The following B3GALT2 variants were observed in gnomAD, a reference collection of about 807,000 sequenced individuals.
The protein encoded by B3GALT2 is beta-1,3-galactosyltransferase 2.
B3GALT2 carries 13 observed loss-of-function variants against 33.5 expected under a neutral mutation model. That is an observed-to-expected ratio of 0.39 (90% confidence interval 0.25 to 0.62). The LOEUF (loss-of-function observed/expected upper bound fraction) is 0.62. Ranked by LOEUF, B3GALT2 falls within the 20% of genes least tolerant of loss-of-function variation. The pLI is 0.53. For synonymous variants in B3GALT2, 195 were observed against 172.7 expected, an observed-to-expected ratio of 1.13 and a Z score of -1.01; for missense variants, 418 against 509.1, an observed-to-expected ratio of 0.82 and a Z score of 1.72.
At chr1:193,183,979 C>T (rs1160856167) in intron 1 of B3GALT2, among the ~76,000 whole-genome samples, 1 of 151,534 alleles carries the variant, frequency 6.6e-6, no homozygotes, top group Non-Finnish European at 1.5e-5. Flanking sequence ...ATTTATGTTG[C>T]TTTTATAAGA....
In B3GALT2 at chr1:193,181,516, C is replaced by T. The variant is rs201277024; in HGVS notation, c.47G>A (p.Trp16Ter). Residue 16 changes from tryptophan to a stop codon, truncating the protein, a stop_gained, in exon 2 of 2, where the codon TGG becomes TAG. Transcript: ENST00000367434. LOFTEE classifies it high-confidence loss of function. ...GCGGAACAGAGACCTTTTGGCATTC[C>T]AGGTCATCTTTGCAAAGCAGCAGTG... ...RRHCCFAKMT[W>*]NAKRSLFRTH... The T allele has an allele frequency of 6.8e-6, 11 of 1,609,286 alleles. No homozygotes were observed.
intron 1 of B3GALT2, among the ~76,000 whole-genome samples, chr1:193,184,721 C>A (rs1045471977): frequency 2.6e-5 from 4 of 151,878 alleles, no homozygotes; most frequent in Non-Finnish European, 5.9e-5. Context: ...CCAAGAGGGA[C>A]TTGAAATTTT....
rs770667754 is a variant in B3GALT2, at chr1:193,181,254, G to C, written c.309C>G (p.Asp103Glu). Residue 103 changes from aspartate to glutamate, a missense_variant, in exon 2 of 2, where the codon GAC becomes GAG. Asp to Glu is a conservative substitution (Grantham distance 45). Coordinates refer to ENST00000367434, the MANE Select transcript of B3GALT2 (RefSeq NM_003783.3). ...GGCCTGTAACTCCTTGTGGTGACAG[G>C]TCTGTGTTATTAGAGTTAGTTGCTG... Reference protein sequence around the residue: ...PQTATNSNNTDLSPQGVTGLE... With the variant: ...PQTATNSNNTELSPQGVTGLE... 1 of 1,613,954 alleles carries C rather than the reference G, an allele frequency of 6.2e-7. No homozygotes were observed. Among genetic ancestry groups the C allele is most frequent in the African/African-American group, 1.3e-5 (1 of 74,900 alleles).
intron 1 of B3GALT2, 79 bp downstream of exon 1, chr1:193,185,940 C>CCAA (rs984966773): frequency 6.6e-6 from 1 of 152,096 alleles, no homozygotes; most frequent in Non-Finnish European, 1.5e-5. Context: ...TATGAACTTG[C>CCAA]TTATCAGGTA....
chr1:193,182,652 G>A (rs1452045561), intron 1 of B3GALT2, among the ~76,000 whole-genome samples: 1 of 152,158 alleles, frequency 6.6e-6, no homozygotes, highest in Non-Finnish European at 1.5e-5. Flanking sequence ...AAGGTTATGA[G>A]ATGGCAATAT....
chr1:193,181,275 T>A lies in B3GALT2; in HGVS notation c.288A>T (p.Ala96=). The part of the protein sequence containing the change: ...TVPQTLRPQT[A]TNSNNTDLSP... The stretch of plus-strand genomic sequence containing the variant: ...ACAGGTCTGTGTTATTAGAGTTAGT[T>A]GCTGTTTGAGGCCTCAGGGTTTGAG... The change falls in exon 2 of 2, where the codon GCA becomes GCT. Residue 96 remains alanine (A), a synonymous_variant. Transcript: ENST00000367434. 6.2e-7 allele frequency: 1 copy of A among 1,614,124 alleles called. No homozygotes were observed. Among genetic ancestry groups the A allele is most frequent in the Non-Finnish European group, 8.5e-7 (1 of 1,179,968 alleles).
At position 193,181,206 on chromosome 1, in the gene B3GALT2, A is replaced by G. The variant is rs369665370; in HGVS notation, c.357T>C (p.Asn119=). ...VTGLENTLSA[N]GSIYNEKGTG... is the part of the protein sequence containing the mutation. ...TACCTTTTTCATTGTAAATACTTCC[A>G]TTGGCACTAAGTGTATTCTCCAGGC... Residue 119 remains asparagine (N), a synonymous_variant, in exon 2 of 2, where the codon AAT becomes AAC. Transcript: ENST00000367434. The G allele has an allele frequency of 3.0e-5, 49 of 1,613,968 alleles. No individual in the cohort carries two copies. The Admixed American group carries it at 6.5e-4, about 21-fold the overall frequency.
At chr1:193,181,859 A>G (rs1676723029) in intron 1 of B3GALT2, among the ~76,000 whole-genome samples, 177 bp from the exon 2 acceptor site, 1 of 152,176 alleles carries the variant, frequency 6.6e-6, no homozygotes, top group African/African-American at 2.4e-5. Flanking sequence ...TTTATTTAAA[A>G]ATATACCTTT....
At chr1:193,184,692 A>G (rs545458414) in intron 1 of B3GALT2, among the ~76,000 whole-genome samples, 8 of 152,052 alleles carry the variant, frequency 5.3e-5, no homozygotes, top group African/African-American at 4.8e-5. Context: ...GGTGACTTCA[A>G]TATTGAGAGA....
rs894583086 is a variant in B3GALT2, at chr1:193,178,764, C to G, written c.*1530G>C. ...CTTGATTTAGAGTAGAACACTTAGGCTACTGATTTGAAATGGAGATAAGCA... is the reference window on the plus strand; with the variant it reads ...CTTGATTTAGAGTAGAACACTTAGGGTACTGATTTGAAATGGAGATAAGCA... On this transcript the variant is annotated 3_prime_UTR_variant, in exon 2 of 2. Coordinates refer to ENST00000367434, the MANE Select transcript of B3GALT2 (RefSeq NM_003783.3). 6.6e-6 allele frequency among the ~76,000 whole-genome samples: 1 copy of G among 152,156 alleles called. No individual in the cohort carries two copies. Among genetic ancestry groups the G allele is most frequent in the Non-Finnish European group, 1.5e-5 (1 of 68,012 alleles).
chr1:193,181,743 T>C (rs10494675), intron 1 of B3GALT2, 61 bp from the exon 2 acceptor site: 23,173 of 559,820 alleles, frequency 0.041, 523 homozygotes, highest in African/African-American at 0.058. Flanking sequence ...GGTACTAATA[T>C]GATCAGGGCA....
chr1:193,179,135 G>A lies in B3GALT2; in HGVS notation c.*1159C>T, dbSNP rs1339008949. ...CTAGAATTGTGTTTGTCAAACGTTT[G>A]TAGTTTTCCCCATCCCTCCCAAAAA... On this transcript the variant is annotated 3_prime_UTR_variant, in exon 2 of 2. Transcript: ENST00000367434. The A allele has an allele frequency of 6.6e-6, 1 of 152,100 alleles. No individual in the cohort carries two copies. The highest frequency in any genetic ancestry group is 1.5e-5 in the Non-Finnish European group (1 of 67,986). 9.4% of individuals were successfully genotyped at this position (152,100 alleles called of 1,614,324 possible). A position where few individuals can be genotyped will look rare whatever the true frequency, so the allele number is the denominator to read the frequency against.
In B3GALT2 at chr1:193,181,505, T is replaced by G; in HGVS notation, c.58A>C (p.Arg20=). The change falls in exon 2 of 2, where the codon AGG becomes CGG. Residue 20 remains arginine, a synonymous_variant. Transcript: ENST00000367434. ...ATAAGATGAGTGCGGAACAGAGACC[T>G]TTTGGCATTCCAGGTCATCTTTGCA... ...CFAKMTWNAK[R]SLFRTHLIGV... is the part of the protein sequence containing the mutation. 2 of 1,610,410 alleles carry G rather than the reference T, an allele frequency of 1.2e-6. No homozygotes were observed. The highest frequency in any genetic ancestry group is 1.7e-6 in the Non-Finnish European group (2 of 1,178,872).
intron 1 of B3GALT2, among the ~76,000 whole-genome samples, chr1:193,182,414 AGT>A (rs1455741171): frequency 6.6e-6 from 1 of 152,130 alleles, no homozygotes; most frequent in African/African-American, 2.4e-5. Context: ...ACAGCATGTA[AGT>A]GTCTTTGATT....
intron 1 of B3GALT2, among the ~76,000 whole-genome samples, chr1:193,185,346 A>G (rs1676787388): frequency 6.6e-6 from 1 of 152,102 alleles, no homozygotes; most frequent in African/African-American, 2.4e-5. Flanking sequence ...CACTATAATA[A>G]CACGAGGCTC....
rs1479912597 is a variant in B3GALT2, at chr1:193,180,936, G to A, written c.627C>T (p.Ser209=). The change falls in exon 2 of 2, where the codon AGC becomes AGT. Residue 209 remains serine, a synonymous_variant. Transcript: ENST00000367434. Reference sequence around the variant, plus strand: ...GTTGAATTATATCATGATATTGTCTGCTTTCTTCCAGTATTGCACGTTGAA... The same window carrying A: ...GTTGAATTATATCATGATATTGTCTACTTTCTTCCAGTATTGCACGTTGAA... ...GYLQRAILEE[S]RQYHDIIQQE... 1.2e-6 allele frequency: 2 copies of A among 1,613,506 alleles called. No individual in the cohort carries two copies. The highest frequency in any genetic ancestry group is 8.5e-7 in the Non-Finnish European group (1 of 1,179,940).
Position 193,180,828 on chromosome 1 carries a change from A to G in B3GALT2, c.735T>C (p.Ile245=), listed in dbSNP as rs1676701629. ...MNWVATYCPH[I]PYVMKTDSDM... Reference sequence around the variant, plus strand: ...CACTGTCAGTTTTCATAACATATGGAATATGTGGACAGTATGTTGCAACCC... The same window carrying G: ...CACTGTCAGTTTTCATAACATATGGGATATGTGGACAGTATGTTGCAACCC... Residue 245 remains isoleucine (I), a synonymous_variant, in exon 2 of 2, where the codon ATT becomes ATC. Transcript: ENST00000367434. 1 of 1,613,904 alleles carries G rather than the reference A, an allele frequency of 6.2e-7. No individual in the cohort carries two copies. Among genetic ancestry groups the G allele is most frequent in the South Asian group, 1.1e-5 (1 of 91,086 alleles).
chr1:193,181,579 A>AG lies in B3GALT2; in HGVS notation c.-18dup. The AG allele has an allele frequency of 6.4e-7, 1 of 1,560,708 alleles. No homozygotes were observed. ...CTGAAGCATGTTGTAAATATCCAGTAGTGGTATATGAGAGATTGGTGACCA... is the reference window on the plus strand; with the variant it reads ...CTGAAGCATGTTGTAAATATCCAGTAGGTGGTATATGAGAGATTGGTGACCA... On this transcript the variant is annotated 5_prime_UTR_variant, in exon 2 of 2. Coordinates refer to ENST00000367434, the MANE Select transcript of B3GALT2 (RefSeq NM_003783.3).
chr1:193,182,646 T>C (rs1676736501), intron 1 of B3GALT2, among the ~76,000 whole-genome samples: 1 of 152,122 alleles, frequency 6.6e-6, no homozygotes, highest in Non-Finnish European at 1.5e-5. Context: ...TTTAAAAAGG[T>C]TATGAGATGG....
Sources: allele counts gnomAD v4.1 joint callset (sites outside exome capture counted in the v4.1 genomes callset), GRCh38; gene constraint gnomAD v4.1.1; transcripts MANE v1.5; gene names NCBI Gene and HGNC (gene_info 2026-07-23, HGNC 2026-07-21).